GPATCH3: variants seen among roughly 807,000 people sequenced by gnomAD.
GPATCH3 encodes G-patch domain containing 3.
A neutral mutation model predicts 53.2 loss-of-function variants in GPATCH3; 45 were observed. The observed-to-expected ratio is 0.85, with a 90% confidence interval of 0.67 to 1.08. The LOEUF (loss-of-function observed/expected upper bound fraction) is 1.08. Among genes scored for constraint, GPATCH3 ranks in the 50% least tolerant of loss-of-function variants. The probability of loss-of-function intolerance (pLI) is 0.00; values close to 1 mark genes in which losing one functional copy is unlikely to be tolerated. For missense variants in GPATCH3, 680 were observed against 687.2 expected (o/e 0.99, Z 0.12); for synonymous variants, 280 against 270.6 (o/e 1.03, Z -0.34).
chr1:26,895,093 A>AT (rs1327186156), intron 2 of GPATCH3, among the ~76,000 whole-genome samples: 2 of 152,046 alleles, frequency 1.3e-5, no homozygotes, highest in African/African-American at 4.8e-5. Context: ...CTTCAGGGAG[A>AT]TTTTAGGCTC....
intron 1 of GPATCH3, among the ~76,000 whole-genome samples, chr1:26,898,863 C>G (rs566424476): frequency 2.6e-5 from 4 of 152,180 alleles, no homozygotes; most frequent in Non-Finnish European, 5.9e-5. Flanking sequence ...CAGGGTTTCA[C>G]CATGTTGCCC....
Position 26,897,356 on chromosome 1 carries a change from C to G in GPATCH3, c.821G>C (p.Gly274Ala). The G allele has an allele frequency of 6.2e-7, 1 of 1,614,190 alleles. No homozygotes were observed. The highest frequency in any genetic ancestry group is 1.1e-5 in the South Asian group (1 of 91,076). ...CTTCCCCACTTCTTCCTCAGGCTCT[C>G]CACAGGGGCTGGCTGGTATATCTGC... ...YLADIPASPC[G>A]EPEEEVGKEE... The change falls in exon 2 of 7, where the codon GGA (glycine) becomes GCA (alanine). Residue 274 changes from glycine to alanine, a missense_variant. Transcript: ENST00000361720.
At chr1:26,895,197 C>G (rs568387357) in intron 2 of GPATCH3, among the ~76,000 whole-genome samples, 1 of 152,108 alleles carries the variant, frequency 6.6e-6, no homozygotes, top group Non-Finnish European at 1.5e-5. Context: ...TGACTCCTAG[C>G]TTGAAACCCT....
At chr1:26,896,626 A>T (rs1226995711) in intron 2 of GPATCH3, among the ~76,000 whole-genome samples, 1 of 150,978 alleles carries the variant, frequency 6.6e-6, no homozygotes, top group African/African-American at 2.4e-5. Context: ...ACTTAAACCC[A>T]GGAGGTGGAG....
In GPATCH3 at chr1:26,891,235, A is replaced by T; in HGVS notation, c.1362-9T>A. The stretch of plus-strand genomic sequence containing the variant: ...GCTTCTCTCCATGGTACCTGGATAA[A>T]AACGGGCTCTCAGTGAGAAGGCTGC... On this transcript the variant is annotated splice_polypyrimidine_tract_variant and intron_variant, in intron 6 of 6. Transcript: ENST00000361720. The T allele has an allele frequency of 6.2e-7, 1 of 1,607,022 alleles. No individual in the cohort carries two copies. Among genetic ancestry groups the T allele is most frequent in the Non-Finnish European group, 8.5e-7 (1 of 1,175,240 alleles).
intron 3 of GPATCH3, among the ~76,000 whole-genome samples, chr1:26,893,754 C>A (rs981290746): frequency 1.3e-5 from 2 of 152,000 alleles, no homozygotes; most frequent in Non-Finnish European, 2.9e-5. Flanking sequence ...CTCTTGACCT[C>A]GTGATCTGCC....
intron 6 of GPATCH3, among the ~76,000 whole-genome samples, chr1:26,891,993 C>T (rs2081928907): frequency 6.6e-6 from 1 of 152,108 alleles, no homozygotes; most frequent in Non-Finnish European, 1.5e-5. Context: ...AGGCATGAGC[C>T]ACTGCGCCCG....
chr1:26,899,744 C>A (rs563460505), intron 1 of GPATCH3, among the ~76,000 whole-genome samples: 2 of 152,260 alleles, frequency 1.3e-5, no homozygotes, highest in East Asian at 1.9e-4. Flanking sequence ...CAAAATCAAC[C>A]CCTTGGATAG....
At position 26,890,852 on chromosome 1, in the gene GPATCH3, CCT is replaced by C. The variant is rs1314678301; in HGVS notation, c.*156_*157del. ...GGAGGGGGCTTTTTGTAAAAATGCC[CCT>C]GAGGTATAGAACCGGCAGGCAGGCA... On this transcript the variant is annotated 3_prime_UTR_variant, in exon 7 of 7. Transcript: ENST00000361720. 2.0e-5 allele frequency: 16 copies of C among 809,020 alleles called. No homozygotes were observed. The East Asian group carries it at 2.7e-4, about 13-fold the overall frequency. 50.1% of individuals were successfully genotyped at this position (809,020 alleles called of 1,614,324 possible).
At position 26,892,718 on chromosome 1, in the gene GPATCH3, A is replaced by C. The variant is rs764765479; in HGVS notation, c.1185T>G (p.Asp395Glu). 9 of 1,614,174 alleles carry C rather than the reference A, an allele frequency of 5.6e-6. No individual in the cohort carries two copies. In the South Asian group the frequency reaches 9.9e-5, roughly 18 times the overall value. ...CCACCTGGCGTTCGATCACAGAGCC[A>C]TCTTCCTGTCCATCTCGGAGTCTCT... is the stretch of plus-strand genomic sequence containing the variant. ...LEQRLRDGQE[D>E]GSVIERQVGT... Residue 395 changes from aspartate (D) to glutamate (E), a missense_variant, in exon 5 of 7, where the codon GAT (aspartate) becomes GAG (glutamate). Asp to Glu is a conservative substitution (Grantham distance 45, BLOSUM62 2). Coordinates refer to ENST00000361720, the MANE Select transcript of GPATCH3 (RefSeq NM_022078.3).
At chr1:26,892,637 G>A in intron 5 of GPATCH3, 33 bp downstream of exon 5, 1 of 1,610,806 alleles carries the variant, frequency 6.2e-7, no homozygotes, top group Non-Finnish European at 8.5e-7. Context: ...GGAAAAGAGA[G>A]GGGTCCATGG....
At chr1:26,899,876 T>G (rs940222823) in intron 1 of GPATCH3, 116 bp downstream of exon 1, 2 of 885,886 alleles carry the variant, frequency 2.3e-6, no homozygotes, top group Non-Finnish European at 3.4e-6. Flanking sequence ...CTGTCTAGAA[T>G]ATGAACTAAA....
intron 6 of GPATCH3, among the ~76,000 whole-genome samples, chr1:26,891,532 AGT>A (rs1383338843): frequency 1.0e-4 from 15 of 147,078 alleles, no homozygotes; most frequent in African/African-American, 1.2e-4. Flanking sequence ...AAAAAAAAAA[AGT>A]CAGATTTACT....
At chr1:26,893,280 AG>A in intron 4 of GPATCH3, 108 bp downstream of exon 4, 2 of 885,742 alleles carry the variant, frequency 2.3e-6, no homozygotes, top group Non-Finnish European at 3.9e-6. Context: ...GGCTACCCCA[AG>A]GGAACGGGAA....
rs781424549 is a variant in GPATCH3, at chr1:26,892,534, A to G, written c.1238T>C (p.Ile413Thr). The G allele has an allele frequency of 1.9e-6, 3 of 1,612,194 alleles. No individual in the cohort carries two copies. Among genetic ancestry groups the G allele is most frequent in the Middle Eastern group, 1.7e-4 (1 of 6,060 alleles). Residue 413 changes from isoleucine to threonine, a missense_variant, in exon 6 of 7, where the codon ATT (isoleucine) becomes ACT (threonine). Physicochemically the swap from Ile to Thr is moderately conservative, Grantham distance 89. Transcript: ENST00000361720. ...CTGCCGCTCCATCACCTTCCGCCCAATGCCCTGCAGAGTGAAGGGACAAGA... is the reference window on the plus strand; with the variant it reads ...CTGCCGCTCCATCACCTTCCGCCCAGTGCCCTGCAGAGTGAAGGGACAAGA... Reference protein sequence around the residue: ...VGTFERHTKGIGRKVMERQGW... With the variant: ...VGTFERHTKGTGRKVMERQGW...
Position 26,897,547 on chromosome 1 carries a change from GC to G in GPATCH3, c.629del (p.Arg210ProfsTer101), listed in dbSNP as rs753512127. On this transcript the variant is annotated frameshift_variant, in exon 2 of 7. Transcript: ENST00000361720. LOFTEE classifies it high-confidence loss of function. The part of the protein sequence containing the change: ...RVFLELIRAC[R>X]LPPRIITQLQ... ...GCTGGGTGATGATCCGAGGGGGTAG[GC>G]GGCAGGCCCGGATCAACTCCAAAAA... is the stretch of plus-strand genomic sequence containing the variant. The G allele has an allele frequency of 8.7e-6, 14 of 1,614,218 alleles. No individual in the cohort carries two copies. Among genetic ancestry groups the G allele is most frequent in the African/African-American group, 1.3e-5 (1 of 75,050 alleles).
intron 2 of GPATCH3, among the ~76,000 whole-genome samples, chr1:26,894,951 A>AT (rs761217825): frequency 7.2e-5 from 11 of 152,154 alleles, no homozygotes; most frequent in Non-Finnish European, 1.6e-4. Flanking sequence ...CATTCTACAG[A>AT]TGACAAAACC....
intron 1 of GPATCH3, among the ~76,000 whole-genome samples, 180 bp from the exon 2 acceptor site, chr1:26,897,905 G>A (rs1385316775): frequency 1.3e-5 from 2 of 152,102 alleles, no homozygotes; most frequent in African/African-American, 4.8e-5. Flanking sequence ...GGGAGGCTGA[G>A]GCAGGAGGAT....
At chr1:26,893,914 T>C (rs2081939433) in intron 3 of GPATCH3, among the ~76,000 whole-genome samples, 1 of 152,090 alleles carries the variant, frequency 6.6e-6, no homozygotes, top group African/African-American at 2.4e-5. Context: ...ACTCCTGGGC[T>C]CAAGTGATCC....
Sources: allele counts gnomAD v4.1 joint callset (sites outside exome capture counted in the v4.1 genomes callset), GRCh38; gene constraint gnomAD v4.1.1; transcripts MANE v1.5; gene names NCBI Gene and HGNC (gene_info 2026-07-23, HGNC 2026-07-21).